Variants in LRRIQ1 observed in about 807,000 individuals in gnomAD.
LRRIQ1 encodes leucine-rich repeat- and IQ domain-containing protein 1.
LRRIQ1 carries 210 observed loss-of-function variants against 211.9 expected under a neutral mutation model. The observed-to-expected ratio is 0.99, with a 90% CI of 0.89 to 1.11. The LOEUF is 1.11. Among genes scored for constraint, LRRIQ1 ranks in the 50% most tolerant of loss-of-function variants. LRRIQ1 has a pLI of 0.00. For synonymous variants in LRRIQ1, 699 were observed against 650.1 expected, an observed-to-expected ratio of 1.08 and a Z score of -1.14; for missense variants, 2,136 against 1,939.5, an observed-to-expected ratio of 1.10 and a Z score of -1.90.
chr12:85,047,209 C>G (rs1007449394), intron 5 of LRRIQ1, 38 bp from the exon 6 acceptor site: 49 of 1,451,364 alleles, frequency 3.4e-5, no homozygotes, highest in Non-Finnish European at 4.5e-5. Flanking sequence ...CAGTTTTGAT[C>G]TTACAAATGA....
At chr12:85,072,666 A>G (rs1237712173) in intron 10 of LRRIQ1, among the ~76,000 whole-genome samples, 1 of 150,712 alleles carries the variant, frequency 6.6e-6, no homozygotes, top group African/African-American at 2.4e-5. Context: ...TCTCTCTTTA[A>G]TGCCTTTGAA....
chr12:85,118,499 G>GGTT (rs543992831), intron 15 of LRRIQ1, among the ~76,000 whole-genome samples: 48 of 127,862 alleles, frequency 3.8e-4, no homozygotes, highest in African/African-American at 1.3e-3. Context: ...GAAAAACTAT[G>GGTT]TTTTTTTTTT....
rs1479573321 is a variant in LRRIQ1 at position 85,055,922 on chromosome 12, C to T, written c.1129C>T (p.Gln377Ter). 1.6e-5 allele frequency: 26 copies of T among 1,603,192 alleles called. No individual in the cohort carries two copies. Among genetic ancestry groups the T allele is most frequent in the Non-Finnish European group, 1.9e-5 (22 of 1,176,162 alleles). ...GAATATTGTGAAACAGGAAAGAGAG[C>T]AACTAATAAGCAAGGAAAAAATAAT... The part of the protein sequence containing the change: ...KKNIVKQERE[Q>*]LISKEKIILR... Residue 377 changes from glutamine (Q) to a stop codon, truncating the protein, a stop_gained, in exon 8 of 27, where the codon CAA becomes TAA. Transcript: ENST00000393217. LOFTEE classifies it high-confidence loss of function.
chr12:85,229,291 A>AC (rs1894818133), intron 24 of LRRIQ1, among the ~76,000 whole-genome samples: 1 of 152,204 alleles, frequency 6.6e-6, no homozygotes, highest in African/African-American at 2.4e-5. Flanking sequence ...GATTGATTTT[A>AC]AGTATTTTTT....
At chr12:85,124,012 A>T in intron 16 of LRRIQ1, 58 bp from the exon 17 acceptor site, 1 of 1,336,158 alleles carries the variant, frequency 7.5e-7, no homozygotes, top group East Asian at 2.3e-5. Context: ...AACTTGCACA[A>T]GTTTTAATAT....
intron 26 of LRRIQ1, among the ~76,000 whole-genome samples, chr12:85,237,090 A>G (rs1895223943): frequency 6.6e-6 from 1 of 151,988 alleles, no homozygotes. Flanking sequence ...AATGACCAAA[A>G]TGTTAATACC....
downstream of LRRIQ1, among the ~76,000 whole-genome samples, chr12:85,246,300 A>C (rs1358987250): frequency 1.3e-5 from 2 of 151,076 alleles, no homozygotes; most frequent in Non-Finnish European, 3.0e-5. Context: ...ATAATGTACT[A>C]ACTTTATCAA....
At chr12:85,153,207 C>T in intron 21 of LRRIQ1, 62 bp downstream of exon 21, 41 of 1,381,722 alleles carry the variant, frequency 3.0e-5, no homozygotes, top group Non-Finnish European at 4.0e-5. Flanking sequence ...ACATATCATA[C>T]AAAAGTAGTA....
chr12:85,205,536 C>CT (rs1242853845), intron 24 of LRRIQ1, among the ~76,000 whole-genome samples: 2 of 152,088 alleles, frequency 1.3e-5, no homozygotes, highest in Non-Finnish European at 2.9e-5. Context: ...AACATTTTCT[C>CT]TTTCATTTTA....
chr12:85,217,496 ATATATATATATATG>A lies in LRRIQ1; in HGVS notation c.4823-12019_4823-12006del, dbSNP rs1565909671. The stretch of plus-strand genomic sequence containing the variant: ...TATATATATATATATATATATGTAT[ATATATATATATATG>A]TGTGTGTGTGTGTGTGTGTGTGTGT... On this transcript the variant is annotated intron_variant, in intron 24 of 26. Coordinates refer to ENST00000393217, the MANE Select transcript of LRRIQ1 (RefSeq NM_001079910.2). Among the ~76,000 whole-genome samples, 5 of 78,330 alleles carry A rather than the reference ATATATATATATATG, an allele frequency of 6.4e-5. No homozygotes were observed. The East Asian group carries it at 1.4e-3, about 21-fold the overall frequency. The allele number at this position is 78,330 out of a possible 152,430, so 51.4% of individuals were successfully genotyped here.
intron 24 of LRRIQ1, among the ~76,000 whole-genome samples, chr12:85,201,908 C>T (rs1460039195): frequency 6.6e-6 from 1 of 151,982 alleles, no homozygotes; most frequent in Non-Finnish European, 1.5e-5. Context: ...GTTTTTCTTA[C>T]TTTTTGATGT....
chr12:85,075,391 G>C (rs747440139), intron 11 of LRRIQ1, among the ~76,000 whole-genome samples: 10 of 152,034 alleles, frequency 6.6e-5, no homozygotes, highest in Non-Finnish European at 1.5e-4. Context: ...GGTTCTGCAG[G>C]CTTTACAGGA....
intron 16 of LRRIQ1, among the ~76,000 whole-genome samples, chr12:85,122,710 AG>A (rs1271042272): frequency 6.6e-6 from 1 of 152,054 alleles, no homozygotes; most frequent in African/African-American, 2.4e-5. Flanking sequence ...TTTTGAACAT[AG>A]TCTATTTTGA....
At position 85,241,347 on chromosome 12, in the gene LRRIQ1, C is replaced by G. The variant is rs188296137; in HGVS notation, c.5017-3442C>G. 2.7e-3 allele frequency among the ~76,000 whole-genome samples: 406 copies of G among 151,884 alleles called. 1 individual carries two copies. The highest frequency in any genetic ancestry group is 4.3e-3 in the Non-Finnish European group (295 of 67,916). ...ATATGTTATATAACAAGACATCTGTCTTATTACATAAGAAAAGGAGTTTAT... is the reference window on the plus strand; with the variant it reads ...ATATGTTATATAACAAGACATCTGTGTTATTACATAAGAAAAGGAGTTTAT... On this transcript the variant is annotated intron_variant, in intron 26 of 26. Transcript: ENST00000393217.
downstream of LRRIQ1, among the ~76,000 whole-genome samples, chr12:85,266,865 TTAA>T (rs1896431791): frequency 6.6e-6 from 1 of 152,124 alleles, no homozygotes; most frequent in African/African-American, 2.4e-5. Flanking sequence ...GCCAATTCAA[TTAA>T]TAATGCAACA....
chr12:85,083,833 A>G (rs961100330), intron 11 of LRRIQ1, among the ~76,000 whole-genome samples: 1 of 152,358 alleles, frequency 6.6e-6, no homozygotes, highest in East Asian at 1.9e-4. Flanking sequence ...TCATCCAGAT[A>G]CAGCCAGTAT....
At chr12:85,265,056 C>A (rs891591248), downstream of LRRIQ1, among the ~76,000 whole-genome samples, 1 of 151,994 alleles carries the variant, frequency 6.6e-6, no homozygotes, top group African/African-American at 2.4e-5. Context: ...ATGGAGATAG[C>A]CCCGTCCCAA....
In LRRIQ1 at chr12:85,066,802, C is replaced by T; in HGVS notation, c.2599C>T (p.Leu867Phe). ...AAATTTGGAAAATCTCTGTGTTGTT[C>T]TTCTTAATAAAAATCAACTGACTTC... is the stretch of plus-strand genomic sequence containing the variant. ...CENLENLCVVLLNKNQLTSLH... is the reference protein window; with the variant it reads ...CENLENLCVVFLNKNQLTSLH... Residue 867 changes from leucine to phenylalanine, a missense_variant, in exon 10 of 27, where the codon CTT becomes TTT. Coordinates refer to ENST00000393217, the MANE Select transcript of LRRIQ1 (RefSeq NM_001079910.2). The T allele has an allele frequency of 1.3e-6, 2 of 1,599,506 alleles. No individual in the cohort carries two copies. The highest frequency in any genetic ancestry group is 2.2e-5 in the South Asian group (2 of 89,466).
At chr12:85,084,667 T>C (rs559771349) in intron 11 of LRRIQ1, among the ~76,000 whole-genome samples, 1 of 152,316 alleles carries the variant, frequency 6.6e-6, no homozygotes, top group South Asian at 2.1e-4. Context: ...GGCTCATGCC[T>C]GTAATCCCAG....
Sources: allele counts gnomAD v4.1 joint callset (sites outside exome capture counted in the v4.1 genomes callset), GRCh38; gene constraint gnomAD v4.1.1; transcripts MANE v1.5; gene names NCBI Gene and HGNC (gene_info 2026-07-23, HGNC 2026-07-21).